CACNA2D3: variants seen among roughly 807,000 people sequenced by gnomAD.
CACNA2D3 encodes the protein voltage-dependent calcium channel subunit alpha-2/delta-3.
In CACNA2D3, 60 loss-of-function variants were observed where a neutral mutation model predicts 160.6. The observed-to-expected ratio is 0.37, with a 90% confidence interval of 0.30 to 0.46. The LOEUF (loss-of-function observed/expected upper bound fraction) is 0.46. Ranked by LOEUF, CACNA2D3 falls within the 20% of genes least tolerant of loss-of-function variation. CACNA2D3 has a pLI of 1.00. For synonymous variants in CACNA2D3, 558 were observed against 492.9 expected, an observed-to-expected ratio of 1.13 and a Z score of -1.75; for missense variants, 1,205 against 1,365.0, an observed-to-expected ratio of 0.88 and a Z score of 1.85.
At chr3:54,466,360 C>A (rs754384394) in intron 4 of CACNA2D3, among the ~76,000 whole-genome samples, 1 of 152,102 alleles carries the variant, frequency 6.6e-6, no homozygotes, top group Non-Finnish European at 1.5e-5. Context: ...ATTCAGGATT[C>A]TTTCTATATG....
chr3:54,213,553 T>C (rs4928012), intron 2 of CACNA2D3, among the ~76,000 whole-genome samples: 102,837 of 152,106 alleles, frequency 0.68, 35,791 homozygotes, highest in East Asian at 1. Flanking sequence ...GGTCCTCACC[T>C]GAGGAGCATG....
At chr3:54,295,251 T>G (rs1394716875) in intron 2 of CACNA2D3, among the ~76,000 whole-genome samples, 2 of 152,094 alleles carry the variant, frequency 1.3e-5, no homozygotes, top group African/African-American at 2.4e-5. Context: ...ACATGACTTG[T>G]AGGAGACAGG....
At chr3:54,280,988 G>A (rs906504311) in intron 2 of CACNA2D3, among the ~76,000 whole-genome samples, 2 of 152,172 alleles carry the variant, frequency 1.3e-5, no homozygotes, top group African/African-American at 4.8e-5. Context: ...AGAGAATGAG[G>A]ACTGTGGCTA....
At chr3:54,603,142 C>T (rs12487219) in intron 9 of CACNA2D3, among the ~76,000 whole-genome samples, 46,420 of 152,094 alleles carry the variant, frequency 0.31, 7,961 homozygotes, top group East Asian at 0.48. Flanking sequence ...GTCAGTTGCA[C>T]TGGACACAGG....
rs145743488 is a variant in CACNA2D3, at chr3:54,247,061, C to G, written c.205-73381C>G. ...GCGTGGTGGTTCACGCCTGTAGTCC[C>G]AGCACTTTGGGAGGCCCAGGTGGGC... On this transcript the variant is annotated intron_variant, in intron 2 of 37. Transcript: ENST00000474759. 6.4e-3 allele frequency among the ~76,000 whole-genome samples: 978 copies of G among 152,282 alleles called. 6 individuals carry two copies. Among genetic ancestry groups the G allele is most frequent in the Non-Finnish European group, 9.8e-3 (668 of 68,028 alleles).
chr3:54,483,933 G>A (rs1234351694), intron 4 of CACNA2D3, among the ~76,000 whole-genome samples: 1 of 152,176 alleles, frequency 6.6e-6, no homozygotes. Flanking sequence ...TTGAAGTTCT[G>A]GAAAGTTGCC....
At chr3:54,662,088 C>T (rs774463299) in intron 11 of CACNA2D3, among the ~76,000 whole-genome samples, 7 of 152,126 alleles carry the variant, frequency 4.6e-5, no homozygotes, top group South Asian at 2.1e-4. Flanking sequence ...ATATCATGTT[C>T]CTCTGGGTCA....
At chr3:54,150,207 C>T (rs1308327215) in intron 2 of CACNA2D3, among the ~76,000 whole-genome samples, 1 of 152,020 alleles carries the variant, frequency 6.6e-6, no homozygotes, top group African/African-American at 2.4e-5. Context: ...ACCCCTAGAA[C>T]TCCAGTTTTA....
chr3:54,596,768 C>T (rs528187193), intron 9 of CACNA2D3, among the ~76,000 whole-genome samples: 92 of 152,250 alleles, frequency 6.0e-4, no homozygotes, highest in Admixed American at 2.4e-3. Flanking sequence ...ATGTTCTTTT[C>T]CCTTCTCTGG....
At chr3:55,000,294 CT>C (rs1361532953) in intron 31 of CACNA2D3, among the ~76,000 whole-genome samples, 4 of 152,122 alleles carry the variant, frequency 2.6e-5, no homozygotes, top group African/African-American at 4.8e-5. Flanking sequence ...TGGAAGTCTC[CT>C]GCTGCAATAT....
rs117925984 is a variant in CACNA2D3, at chr3:54,368,992, C to A, written c.322-17723C>A. On this transcript the variant is annotated intron_variant, in intron 3 of 37. Coordinates refer to ENST00000474759, the MANE Select transcript of CACNA2D3 (RefSeq NM_018398.3). ...CTGGGATTACAGGTGTGAGCCACTG[C>A]GTCCGGCCGGCAGTAGGGTTCTCTT... 3.5e-3 allele frequency among the ~76,000 whole-genome samples: 535 copies of A among 152,048 alleles called. 12 individuals carry two copies. The East Asian group carries it at 0.062, about 18-fold the overall frequency.
In CACNA2D3 at chr3:54,891,439, G is replaced by C; in HGVS notation, c.2235G>C (p.Gln745His). The C allele has an allele frequency of 6.2e-7, 1 of 1,613,596 alleles. No individual in the cohort carries two copies. The highest frequency in any genetic ancestry group is 8.5e-7 in the Non-Finnish European group (1 of 1,179,590). Reference protein sequence around the residue: ...SRINLFVGAEQLTNQDFLKAG... With the variant: ...SRINLFVGAEHLTNQDFLKAG... Reference sequence around the variant, plus strand: ...TCAACCTGTTTGTCGGGGCTGAGCAGCTCACCAATCAGTAAGTAGGAGGGA... The same window carrying C: ...TCAACCTGTTTGTCGGGGCTGAGCACCTCACCAATCAGTAAGTAGGAGGGA... Residue 745 changes from glutamine (Q) to histidine (H), a missense_variant, in exon 25 of 38, where the codon CAG becomes CAC. Physicochemically the swap from Gln to His is conservative, Grantham distance 24 (BLOSUM62 0). Coordinates refer to ENST00000474759, the MANE Select transcript of CACNA2D3 (RefSeq NM_018398.3).
At chr3:55,060,467 G>T (rs1339007604) in intron 35 of CACNA2D3, among the ~76,000 whole-genome samples, 2 of 152,138 alleles carry the variant, frequency 1.3e-5, no homozygotes, top group African/African-American at 2.4e-5. Flanking sequence ...GATACTTTGA[G>T]ATTTGATGTC....
At chr3:55,051,679 C>G (rs1419287735) in intron 35 of CACNA2D3, among the ~76,000 whole-genome samples, 1 of 152,192 alleles carries the variant, frequency 6.6e-6, no homozygotes, top group African/African-American at 2.4e-5. Context: ...CAAGCCTGGG[C>G]AATGGCGGGC....
chr3:54,890,495 C>CAAAAA (rs34740812), intron 24 of CACNA2D3, among the ~76,000 whole-genome samples: 2 of 60,790 alleles, frequency 3.3e-5, no homozygotes, highest in Non-Finnish European at 6.5e-5. Flanking sequence ...GACTCCGTCT[C>CAAAAA]AAAAAAAAAA....
chr3:54,578,488 C>T lies in CACNA2D3; in HGVS notation c.889-3315C>T, dbSNP rs570119787. Among the ~76,000 whole-genome samples the T allele has an allele frequency of 7.2e-4, 109 of 152,334 alleles. No individual in the cohort carries two copies. The Middle Eastern group carries it at 0.01, about 14-fold the overall frequency. On this transcript the variant is annotated intron_variant, in intron 8 of 37. Transcript: ENST00000474759. Reference sequence around the variant, plus strand: ...CCGTGCACAGGGCATCCTTGGGGTCCCCCTCGGGAGGAGCCGTTGGGTAGT... The same window carrying T: ...CCGTGCACAGGGCATCCTTGGGGTCTCCCTCGGGAGGAGCCGTTGGGTAGT...
intron 2 of CACNA2D3, among the ~76,000 whole-genome samples, chr3:54,215,473 G>GT (rs1238120128): frequency 6.6e-6 from 1 of 152,162 alleles, no homozygotes; most frequent in East Asian, 1.9e-4. Flanking sequence ...TTTTGACTGC[G>GT]TATCAGTCCC....
At chr3:54,550,438 C>T (rs912552069) in intron 5 of CACNA2D3, among the ~76,000 whole-genome samples, 4 of 152,210 alleles carry the variant, frequency 2.6e-5, no homozygotes, top group Non-Finnish European at 2.9e-5. Context: ...CAGTGGCTCC[C>T]GCCAAGAAAG....
chr3:54,155,548 ATTTT>A (rs1700230736), intron 2 of CACNA2D3, among the ~76,000 whole-genome samples: 1 of 152,206 alleles, frequency 6.6e-6, no homozygotes, highest in Non-Finnish European at 1.5e-5. Flanking sequence ...ACAAGTGAGT[ATTTT>A]GTTAAAGGTA....
Sources: allele counts gnomAD v4.1 joint callset (sites outside exome capture counted in the v4.1 genomes callset), GRCh38; gene constraint gnomAD v4.1.1; transcripts MANE v1.5; gene names NCBI Gene and HGNC (gene_info 2026-07-23, HGNC 2026-07-21).